STX18: variants seen among roughly 807,000 people sequenced by gnomAD.
STX18 encodes the protein syntaxin-18.
Under a neutral mutation model 50.1 loss-of-function variants are expected in STX18, and 40 were observed. The observed-to-expected ratio is 0.80, with a 90% CI of 0.62 to 1.04. STX18 has a LOEUF of 1.04. STX18 is among the 50% of genes least tolerant of loss of function. The pLI, the probability that STX18 is intolerant of heterozygous loss-of-function variation, is 0.00. For missense variants in STX18, 410 were observed against 415.8 expected (o/e 0.99, Z 0.12); for synonymous variants, 158 against 151.8 (o/e 1.04, Z -0.30).
At position 4,528,676 on chromosome 4, in the gene STX18, C is replaced by T. The variant is rs538971186; in HGVS notation, c.168+13121G>A. 1.2e-3 allele frequency among the ~76,000 whole-genome samples: 189 copies of T among 152,260 alleles called. 1 individual carries two copies. Among genetic ancestry groups the T allele is most frequent in the African/African-American group, 4.5e-3 (188 of 41,544 alleles). ...TAAACTGCATCTTTCGGATTGAGGC[C>T]CCCAGGTACTAGGAGAACTGCCTGC... On this transcript the variant is annotated intron_variant, in intron 1 of 10. Coordinates refer to ENST00000306200, the MANE Select transcript of STX18 (RefSeq NM_016930.4).
intron 2 of STX18, among the ~76,000 whole-genome samples, chr4:4,468,399 G>A (rs1439358991): frequency 6.6e-6 from 1 of 152,072 alleles, no homozygotes; most frequent in Non-Finnish European, 1.5e-5. Flanking sequence ...ATTACCTCAA[G>A]GCGGGTAGTC....
At chr4:4,494,970 A>G (rs910929543) in intron 1 of STX18, among the ~76,000 whole-genome samples, 3 of 151,990 alleles carry the variant, frequency 2.0e-5, no homozygotes, top group African/African-American at 7.3e-5. Context: ...TCCCTTCCCC[A>G]CCCTGCTCCA....
chr4:4,526,781 C>A (rs1730783388), intron 1 of STX18, among the ~76,000 whole-genome samples: 1 of 150,652 alleles, frequency 6.6e-6, no homozygotes. Context: ...TCAGCCTGGG[C>A]AACATAGTGA....
intron 9 of STX18, 114 bp downstream of exon 9, chr4:4,423,404 A>G (rs1440692101): frequency 1.9e-5 from 19 of 996,102 alleles, no homozygotes; most frequent in South Asian, 1.3e-4. Context: ...CTAGCAACAC[A>G]TGGCTCTGCT....
At chr4:4,459,192 G>T (rs954485870) in intron 3 of STX18, among the ~76,000 whole-genome samples, 180 bp downstream of exon 3, 4 of 152,080 alleles carry the variant, frequency 2.6e-5, no homozygotes, top group Admixed American at 2.6e-4. Flanking sequence ...GAATGATACA[G>T]CCTTTGCAGT....
Position 4,420,693 on chromosome 4 carries a change from A to C in STX18, c.912+171T>G. 1.6e-6 allele frequency: 1 copy of C among 614,992 alleles called. No homozygotes were observed. Among genetic ancestry groups the C allele is most frequent in the Non-Finnish European group, 2.9e-6 (1 of 349,478 alleles). 38.1% of individuals were successfully genotyped at this position (614,992 alleles called of 1,614,324 possible). On this transcript the variant is annotated intron_variant, in intron 10 of 10. Transcript: ENST00000306200. The surrounding 1 kb of genome is among the most constrained non-coding windows in gnomAD (Gnocchi z 4.3). ...TCGAAAGCAGCTGGAGGTGGGCGACAGGTGGTGGGTCTCATGAACACACGC... is the reference window on the plus strand; with the variant it reads ...TCGAAAGCAGCTGGAGGTGGGCGACCGGTGGTGGGTCTCATGAACACACGC...
intron 1 of STX18, among the ~76,000 whole-genome samples, chr4:4,517,988 T>A (rs1730358725): frequency 6.6e-6 from 1 of 152,170 alleles, no homozygotes; most frequent in Admixed American, 6.5e-5. Context: ...TTGGCCAGGC[T>A]GGTCTCAAAC....
At chr4:4,452,110 C>T (rs1726784197) in intron 5 of STX18, among the ~76,000 whole-genome samples, 1 of 152,182 alleles carries the variant, frequency 6.6e-6, no homozygotes, top group African/African-American at 2.4e-5. Context: ...TCACAACATT[C>T]CCTTAAGCCA....
At chr4:4,528,638 C>T (rs1730925435) in intron 1 of STX18, among the ~76,000 whole-genome samples, 1 of 152,232 alleles carries the variant, frequency 6.6e-6, no homozygotes, top group South Asian at 2.1e-4. Context: ...TGAACTAATA[C>T]AGGTTGTGTG....
chr4:4,466,976 G>C (rs914608048), intron 2 of STX18, among the ~76,000 whole-genome samples: 2 of 152,142 alleles, frequency 1.3e-5, no homozygotes, highest in South Asian at 4.2e-4. Flanking sequence ...CTAGGGAGTC[G>C]AAGCTGTCCT....
intron 6 of STX18, among the ~76,000 whole-genome samples, chr4:4,437,289 G>C (rs1397049288): frequency 6.6e-6 from 1 of 152,084 alleles, no homozygotes; most frequent in Non-Finnish European, 1.5e-5. Flanking sequence ...TCCTCTTGAA[G>C]TCTCCCTGGC....
intron 1 of STX18, among the ~76,000 whole-genome samples, chr4:4,527,595 T>C (rs1730828978): frequency 6.6e-6 from 1 of 151,854 alleles, no homozygotes; most frequent in African/African-American, 2.4e-5. Flanking sequence ...TGATAATGGG[T>C]TACAGATTCC....
intron 1 of STX18, among the ~76,000 whole-genome samples, chr4:4,514,264 T>C (rs990768237): frequency 5.9e-5 from 9 of 152,186 alleles, no homozygotes; most frequent in Non-Finnish European, 8.8e-5. Context: ...GAGAAAGCAG[T>C]TCCATAAAAA....
At chr4:4,511,188 A>C (rs1729988423) in intron 1 of STX18, among the ~76,000 whole-genome samples, 2 of 152,180 alleles carry the variant, frequency 1.3e-5, no homozygotes, top group Admixed American at 1.3e-4. Context: ...CATTTAAAAA[A>C]AGAAATCCAT....
At chr4:4,498,780 GT>G (rs575566113) in intron 1 of STX18, among the ~76,000 whole-genome samples, 1 of 152,076 alleles carries the variant, frequency 6.6e-6, no homozygotes, top group Non-Finnish European at 1.5e-5. Context: ...AAAGATCTAG[GT>G]TTTTTTATTT....
chr4:4,524,847 T>C (rs897358921), intron 1 of STX18, among the ~76,000 whole-genome samples: 1 of 152,158 alleles, frequency 6.6e-6, no homozygotes, highest in Non-Finnish European at 1.5e-5. Flanking sequence ...AGCAAGTTAG[T>C]GTTTATGGGA....
chr4:4,473,077 C>G (rs1728002737), intron 1 of STX18, among the ~76,000 whole-genome samples: 1 of 152,204 alleles, frequency 6.6e-6, no homozygotes, highest in South Asian at 2.1e-4. Flanking sequence ...TTTCTCTTCC[C>G]AACAACCCTG....
Position 4,456,497 on chromosome 4 carries a change from G to A in STX18, c.497+694C>T, listed in dbSNP as rs558362463. The stretch of plus-strand genomic sequence containing the variant: ...CATGTGAGCCCAGAGGGGAAACCAG[G>A]CAGGCGCCATGGAAAATACAGGAGC... On this transcript the variant is annotated intron_variant, in intron 5 of 10. Transcript: ENST00000306200. 5.3e-5 allele frequency among the ~76,000 whole-genome samples: 8 copies of A among 152,302 alleles called. No homozygotes were observed. The South Asian group carries it at 1.7e-3, about 32-fold the overall frequency.
intron 1 of STX18, chr4:4,507,459 G>C: frequency 1.3e-6 from 1 of 761,366 alleles, no homozygotes; most frequent in Non-Finnish European, 2.5e-6. Flanking sequence ...TGGAGAAAAA[G>C]TTCAGTGGAA....
Sources: allele counts gnomAD v4.1 joint callset (sites outside exome capture counted in the v4.1 genomes callset), GRCh38; gene constraint gnomAD v4.1.1; non-coding constraint Gnocchi (gnomAD v3.1); transcripts MANE v1.5; gene names NCBI Gene and HGNC (gene_info 2026-07-23, HGNC 2026-07-21).